PHACTR2: variants seen among roughly 807,000 people sequenced by gnomAD.
The protein encoded by PHACTR2 is chromosome 6 open reading frame 56.
In PHACTR2, 30 loss-of-function variants were observed where a neutral mutation model predicts 76.0. The ratio of observed to expected loss-of-function variants is 0.39; its 90% CI spans 0.30 to 0.54. The LOEUF is 0.54. PHACTR2 is among the 20% of genes least tolerant of loss of function. The pLI, the probability that PHACTR2 is intolerant of heterozygous loss-of-function variation, is 0.61. For synonymous variants in PHACTR2, 292 were observed against 292.5 expected (o/e 1.00, Z 0.02); for missense variants, 696 against 781.1 (o/e 0.89, Z 1.30).
chr6:143,707,719 T>G (rs1778085835), intron 1 of PHACTR2, among the ~76,000 whole-genome samples: 1 of 152,226 alleles, frequency 6.6e-6, no homozygotes, highest in African/African-American at 2.4e-5. Context: ...TTATTTCATA[T>G]GTATATTAGT....
upstream of PHACTR2, among the ~76,000 whole-genome samples, chr6:143,673,819 G>C (rs553394314): frequency 6.6e-6 from 1 of 152,108 alleles, no homozygotes; most frequent in African/African-American, 2.4e-5. Flanking sequence ...CCTCTGCAGA[G>C]ACTCACGCAG....
chr6:143,686,921 G>C (rs73778662), intron 1 of PHACTR2, among the ~76,000 whole-genome samples: 2,816 of 152,240 alleles, frequency 0.018, 86 homozygotes, highest in African/African-American at 0.062. Context: ...ACCTGCAACT[G>C]TACTAGCTTT....
In PHACTR2 at chr6:143,608,444, C is replaced by T. The variant is rs770611874; in HGVS notation, c.13+122C>T. 14 of 946,654 alleles carry T rather than the reference C, an allele frequency of 1.5e-5. No homozygotes were observed. Among genetic ancestry groups the T allele is most frequent in the Non-Finnish European group, 2.2e-5 (13 of 592,806 alleles). 58.6% of individuals were successfully genotyped at this position (946,654 alleles called of 1,614,324 possible). On this transcript the variant is annotated intron_variant, in intron 1 of 11. Transcript: ENST00000305766. The surrounding 1 kb of genome is among the most constrained non-coding windows in gnomAD (Gnocchi z 4.6). Reference sequence around the variant, plus strand: ...TGCACTTAAATGTTCAAGACTGAGACGCGTGTAATATGTGAACCCCGATGC... The same window carrying T: ...TGCACTTAAATGTTCAAGACTGAGATGCGTGTAATATGTGAACCCCGATGC...
intron 2 of PHACTR2, among the ~76,000 whole-genome samples, chr6:143,724,508 C>T (rs1778515464): frequency 6.6e-6 from 1 of 152,130 alleles, no homozygotes; most frequent in Admixed American, 6.5e-5. Flanking sequence ...CAACTTCTTT[C>T]ACCTTCCCTT....
At chr6:143,714,858 C>CTTTGA (rs1778268143) in intron 2 of PHACTR2, among the ~76,000 whole-genome samples, 1 of 151,892 alleles carries the variant, frequency 6.6e-6, no homozygotes, top group Non-Finnish European at 1.5e-5. Context: ...TCCCATTTTG[C>CTTTGA]TTTGATTTGA....
At chr6:143,638,562 TACACAC>T (rs1185343202) in intron 1 of PHACTR2, among the ~76,000 whole-genome samples, 1 of 98,494 alleles carries the variant, frequency 1.0e-5, no homozygotes, top group Non-Finnish European at 2.3e-5. Context: ...AAAAAAGTAT[TACACAC>T]ACACACATAC....
In PHACTR2 at chr6:143,818,373, C is replaced by A. The variant is rs1248231171; in HGVS notation, c.1923-5301C>A. 6.6e-6 allele frequency among the ~76,000 whole-genome samples: 1 copy of A among 152,204 alleles called. No individual in the cohort carries two copies. The highest frequency in any genetic ancestry group is 1.5e-5 in the Non-Finnish European group (1 of 68,048). ...CTGCCTTGGGCAAATGAGTTAGCATCCCCATGCCTCAGTTTCCACATCTGT... is the reference window on the plus strand; with the variant it reads ...CTGCCTTGGGCAAATGAGTTAGCATACCCATGCCTCAGTTTCCACATCTGT... On this transcript the variant is annotated intron_variant, in intron 12 of 12. Coordinates refer to ENST00000440869, the MANE Select transcript of PHACTR2 (RefSeq NM_001100164.2). This position sits in a 1 kb window ranked among gnomAD's most constrained non-coding sequence, Gnocchi z 4.9.
In PHACTR2 at chr6:143,633,682, C is replaced by T. The variant is rs1364937610; in HGVS notation, c.13+25360C>T. Among the ~76,000 whole-genome samples the T allele has an allele frequency of 2.0e-5, 3 of 152,144 alleles. No individual in the cohort carries two copies. Among genetic ancestry groups the T allele is most frequent in the Non-Finnish European group, 4.4e-5 (3 of 68,032 alleles). On this transcript the variant is annotated intron_variant, in intron 1 of 11. Coordinates refer to the PHACTR2 transcript ENST00000305766. The surrounding 1 kb of genome is among the most constrained non-coding windows in gnomAD (Gnocchi z 4.1). ...CATATTAATTATTTATTTCATGGAT[C>T]ATGCCTTTGGTGTAGTATCTAAAAA...
intron 1 of PHACTR2, among the ~76,000 whole-genome samples, chr6:143,668,944 T>C (rs560237821): frequency 6.6e-6 from 1 of 152,320 alleles, no homozygotes; most frequent in Admixed American, 6.5e-5. Flanking sequence ...GCTTCTCTAG[T>C]TCTTTTAATT....
At chr6:143,628,171 C>T (rs1423950669) in intron 1 of PHACTR2, among the ~76,000 whole-genome samples, 2 of 152,144 alleles carry the variant, frequency 1.3e-5, no homozygotes, top group Admixed American at 6.5e-5. Context: ...GGATGTACCA[C>T]GTTTTGTTTC....
chr6:143,723,673 A>T (rs891733533), intron 2 of PHACTR2, among the ~76,000 whole-genome samples: 4 of 152,160 alleles, frequency 2.6e-5, no homozygotes, highest in African/African-American at 9.7e-5. Flanking sequence ...TTGTGGGGAA[A>T]ATCAGAGTAT....
At position 143,765,633 on chromosome 6, in the gene PHACTR2, A is replaced by G; in HGVS notation, c.1067A>G (p.Gln356Arg). 2.5e-6 allele frequency: 4 copies of G among 1,614,060 alleles called. No homozygotes were observed. The highest frequency in any genetic ancestry group is 3.4e-6 in the Non-Finnish European group (4 of 1,179,976). ...GCCCCCCCTCTCCCTCTTGAGGATC[A>G]GTGCATTACTGCCTCAGACACTCCA... ...PLAPPLPLED[Q>R]CITASDTPVV... The change falls in exon 6 of 13, where the codon CAG (glutamine) becomes CGG (arginine). Residue 356 changes from glutamine to arginine, a missense_variant. Around this residue, in one of 2 missense-constraint regions of PHACTR2, gnomAD observed 460 missense variants for 450.9 expected, o/e 1.02. Transcript: ENST00000440869. This position sits in a 1 kb window ranked among gnomAD's most constrained non-coding sequence, Gnocchi z 4.1.
At position 143,583,760 on chromosome 6, in the gene PHACTR2, T is replaced by C. The variant is rs1038729210; in HGVS notation, c.217+46553T>C. On this transcript the variant is annotated intron_variant, in intron 1 of 11. Transcript: ENST00000367584. This position sits in a 1 kb window ranked among gnomAD's most constrained non-coding sequence, Gnocchi z 4.0. ...ATGCTAGATGCCAGACTATCATTTG[T>C]TGATTGGTTGATTCATTGTTTGGAA... Among the ~76,000 whole-genome samples, 57 of 152,368 alleles carry C rather than the reference T, an allele frequency of 3.7e-4. No homozygotes were observed. Among genetic ancestry groups the C allele is most frequent in the African/African-American group, 1.3e-3 (52 of 41,590 alleles).
rs1778154161 is a variant in PHACTR2, at chr6:143,710,669, C to T, written c.47-1347C>T. ...CTGAGATCGCGCCACTGCACTCCAG[C>T]CTGGGCGACAGAGCAAGACTCTATC... On this transcript the variant is annotated intron_variant, in intron 1 of 12. Coordinates refer to ENST00000440869, the MANE Select transcript of PHACTR2 (RefSeq NM_001100164.2). The surrounding 1 kb of genome is among the most constrained non-coding windows in gnomAD (Gnocchi z 4.9). Among the ~76,000 whole-genome samples the T allele has an allele frequency of 6.6e-6, 1 of 152,166 alleles. No homozygotes were observed.
chr6:143,768,313 G>T (rs1774995242), intron 6 of PHACTR2, among the ~76,000 whole-genome samples: 1 of 152,078 alleles, frequency 6.6e-6, no homozygotes, highest in Non-Finnish European at 1.5e-5. Flanking sequence ...TTTTTTGATT[G>T]CCTTTTCTGT....
Position 143,776,787 on chromosome 6 carries a change from C to T in PHACTR2, c.1590-541C>T, listed in dbSNP as rs568281029. 8.5e-5 allele frequency among the ~76,000 whole-genome samples: 13 copies of T among 152,312 alleles called. No individual in the cohort carries two copies. Among genetic ancestry groups the T allele is most frequent in the East Asian group, 7.7e-4 (4 of 5,178 alleles). ...ACATGACACTCCCCAGGTAGGTGAG[C>T]GATCCAGTATGGTGGGAGCATGGCT... On this transcript the variant is annotated intron_variant, in intron 8 of 12. Coordinates refer to ENST00000440869, the MANE Select transcript of PHACTR2 (RefSeq NM_001100164.2). This position sits in a 1 kb window ranked among gnomAD's most constrained non-coding sequence, Gnocchi z 5.3.
Position 143,672,077 on chromosome 6 carries a change from A to G in PHACTR2, c.14-39939A>G, listed in dbSNP as rs1293240173. Reference sequence around the variant, plus strand: ...CCCTAATGCCAAGGGTGGTACAGGGATGTGAAACAGGAATTAACTGCAAAA... The same window carrying G: ...CCCTAATGCCAAGGGTGGTACAGGGGTGTGAAACAGGAATTAACTGCAAAA... On this transcript the variant is annotated intron_variant, in intron 1 of 11. Transcript: ENST00000305766. This position sits in a 1 kb window ranked among gnomAD's most constrained non-coding sequence, Gnocchi z 5.8. Among the ~76,000 whole-genome samples, 1 of 152,208 alleles carries G rather than the reference A, an allele frequency of 6.6e-6. No individual in the cohort carries two copies. Among genetic ancestry groups the G allele is most frequent in the East Asian group, 1.9e-4 (1 of 5,204 alleles).
chr6:143,613,166 G>A (rs545628418), intron 1 of PHACTR2, among the ~76,000 whole-genome samples: 1 of 152,184 alleles, frequency 6.6e-6, no homozygotes, highest in African/African-American at 2.4e-5. Flanking sequence ...CAGTAGAGAC[G>A]GGGTTTCACC....
At position 143,721,811 on chromosome 6, in the gene PHACTR2, G is replaced by T. The variant is rs148414468; in HGVS notation, c.214+9628G>T. On this transcript the variant is annotated intron_variant, in intron 2 of 12. Transcript: ENST00000440869. ...GTCTAGGTCACTCAGTTTTTATGGAGTTCCTGGCCCAGTGCAGGTGTGTGC... is the reference window on the plus strand; with the variant it reads ...GTCTAGGTCACTCAGTTTTTATGGATTTCCTGGCCCAGTGCAGGTGTGTGC... Among the ~76,000 whole-genome samples, 281 of 152,226 alleles carry T rather than the reference G, an allele frequency of 1.8e-3. 3 individuals carry two copies. In the South Asian group the frequency reaches 0.033, roughly 18 times the overall value.
Sources: allele counts gnomAD v4.1 joint callset (sites outside exome capture counted in the v4.1 genomes callset), GRCh38; gene constraint gnomAD v4.1.1; regional missense constraint gnomAD v4.1.1; non-coding constraint Gnocchi (gnomAD v3.1); transcripts MANE v1.5; gene names NCBI Gene and HGNC (gene_info 2026-07-23, HGNC 2026-07-21).